KCNT1: variants seen among roughly 807,000 people sequenced by gnomAD.
KCNT1 encodes the protein potassium sodium-activated channel subfamily T member 1, also known as potassium channel subfamily T member 1.
Under a neutral mutation model 147.8 loss-of-function variants are expected in KCNT1, and 78 were observed. That is an observed-to-expected ratio of 0.53 (90% CI 0.44 to 0.64). The LOEUF (loss-of-function observed/expected upper bound fraction) is 0.64, where lower values mean the gene tolerates loss of function less well. Among genes scored for constraint, KCNT1 ranks in the 30% least tolerant of loss-of-function variants. The pLI is 0.00. For synonymous variants in KCNT1, 867 were observed against 748.8 expected (o/e 1.16, Z -2.58); for missense variants, 1,419 against 1,750.3 (o/e 0.81, Z 3.38).
At chr9:135,712,583 G>A (rs1318172097) in intron 1 of KCNT1, among the ~76,000 whole-genome samples, 1 of 152,096 alleles carries the variant, frequency 6.6e-6, no homozygotes, top group Non-Finnish European at 1.5e-5. Context: ...GCTGGCCGAT[G>A]TAGGCCTTCC....
chr9:135,734,944 C>T (rs921544019), intron 2 of KCNT1, among the ~76,000 whole-genome samples: 1 of 152,184 alleles, frequency 6.6e-6, no homozygotes, highest in Non-Finnish European at 1.5e-5. Flanking sequence ...CGGGGCTCCG[C>T]CTGGTCTGTT....
intron 6 of KCNT1, 68 bp from the exon 7 acceptor site, chr9:135,756,805 C>A: frequency 7.6e-7 from 1 of 1,318,896 alleles, no homozygotes; most frequent in Non-Finnish European, 1.1e-6. Flanking sequence ...GCCCGCGAGG[C>A]CTGTGGGGTC....
At chr9:135,760,172 G>A (rs1184666515) in intron 11 of KCNT1, among the ~76,000 whole-genome samples, 1 of 152,194 alleles carries the variant, frequency 6.6e-6, no homozygotes. Context: ...GAAGGGTCAA[G>A]GTGGACAGCC....
intron 21 of KCNT1, among the ~76,000 whole-genome samples, chr9:135,777,777 G>A (rs1053796546): frequency 9.2e-5 from 13 of 141,744 alleles, no homozygotes; most frequent in African/African-American, 3.2e-4. Flanking sequence ...CCTGCTCCCT[G>A]TTCCCCCAGT....
In KCNT1 at chr9:135,784,831, G is replaced by C. The variant is rs1445722117; in HGVS notation, c.3098G>C (p.Ser1033Thr). 6.2e-7 allele frequency: 1 copy of C among 1,612,724 alleles called. No individual in the cohort carries two copies. The highest frequency in any genetic ancestry group is 2.2e-5 in the East Asian group (1 of 44,890). Reference sequence around the variant, plus strand: ...CTCTTCCAGAAGCTCTGCTCCTCCAGCGCCGAGATCCCCATTGGCATCTAC... The same window carrying C: ...CTCTTCCAGAAGCTCTGCTCCTCCACCGCCGAGATCCCCATTGGCATCTAC... Reference protein sequence around the residue: ...GRLFQKLCSSSAEIPIGIYRT... With the variant: ...GRLFQKLCSSTAEIPIGIYRT... Residue 1033 changes from serine to threonine, a missense_variant, in exon 27 of 31, where the codon AGC becomes ACC. Transcript: ENST00000371757.
In KCNT1 at chr9:135,788,275, G is replaced by T. The variant is rs531819975; in HGVS notation, c.3502+1754G>T. The stretch of plus-strand genomic sequence containing the variant: ...AGGCAGGTGGACAGGAGCTGTGAGA[G>T]CACGTCCCAGGTGTCAGCCCAGGCG... On this transcript the variant is annotated intron_variant, in intron 29 of 30. Coordinates refer to ENST00000371757, the MANE Select transcript of KCNT1 (RefSeq NM_020822.3). The T allele has an allele frequency of 2.7e-5, 24 of 895,014 alleles. No individual in the cohort carries two copies. The Admixed American group carries it at 3.1e-4, about 12-fold the overall frequency. 55.4% of individuals were successfully genotyped at this position (895,014 alleles called of 1,614,324 possible).
intron 11 of KCNT1, among the ~76,000 whole-genome samples, chr9:135,762,428 G>A (rs1209156144): frequency 6.6e-6 from 1 of 152,024 alleles, no homozygotes; most frequent in Non-Finnish European, 1.5e-5. Context: ...CTATGCAACA[G>A]AGAGTGAGAC....
chr9:135,732,008 A>AGAGAGAGAGAGG (rs1836485581), intron 2 of KCNT1, among the ~76,000 whole-genome samples: 2 of 97,876 alleles, frequency 2.0e-5, no homozygotes, highest in Non-Finnish European at 4.3e-5. Context: ...AGAGAGAGAG[A>AGAGAGAGAGAGG]GAGAGAGAGA....
At chr9:135,734,267 G>A (rs1046695432) in intron 2 of KCNT1, among the ~76,000 whole-genome samples, 4 of 152,162 alleles carry the variant, frequency 2.6e-5, no homozygotes, top group Non-Finnish European at 5.9e-5. Context: ...TGGCTCTGTG[G>A]ACCCCGAGCC....
At position 135,779,411 on chromosome 9, in the gene KCNT1, C is replaced by T. The variant is rs397515405; in HGVS notation, c.2782C>T (p.Arg928Cys). ...TTELTHPSNM[R>C]FMQFRAKDSY... ...GGAGCTCACCCACCCTTCCAACATG[C>T]GCTTCATGCAGTTCCGCGCCAAGGA... Residue 928 changes from arginine to cysteine, a missense_variant, in exon 24 of 31, where the codon CGC (arginine) becomes TGC (cysteine). Arg to Cys is a radical substitution (Grantham distance 180). This residue lies in a region of KCNT1 where 247 missense variants were observed against 397.1 expected (regional missense o/e 0.62). Transcript: ENST00000371757. 2 of 1,613,948 alleles carry T rather than the reference C, an allele frequency of 1.2e-6. No homozygotes were observed. The highest frequency in any genetic ancestry group is 8.5e-7 in the Non-Finnish European group (1 of 1,179,984).
At chr9:135,787,683 G>A (rs556190518) in intron 29 of KCNT1, among the ~76,000 whole-genome samples, 3 of 152,224 alleles carry the variant, frequency 2.0e-5, no homozygotes, top group South Asian at 2.1e-4. Context: ...GACCTTTCCC[G>A]GCCCCCAGCC....
At chr9:135,784,257 C>A in intron 25 of KCNT1, 132 bp downstream of exon 25, 1 of 753,378 alleles carries the variant, frequency 1.3e-6, no homozygotes, top group Non-Finnish European at 2.2e-6. Context: ...TCCAAGGAGA[C>A]CTCTGGGCCC....
intron 2 of KCNT1, among the ~76,000 whole-genome samples, chr9:135,729,344 AC>A (rs1363459259): frequency 6.6e-6 from 1 of 152,080 alleles, no homozygotes; most frequent in African/African-American, 2.4e-5. Flanking sequence ...GCTGAGAGCA[AC>A]CCCCTGCCAG....
intron 5 of KCNT1, 98 bp downstream of exon 5, chr9:135,754,091 G>A (rs1378084124): frequency 1.4e-5 from 16 of 1,124,740 alleles, no homozygotes; most frequent in Middle Eastern, 2.2e-4. Context: ...ATAGCCAGGC[G>A]CTCAGAGGCC....
chr9:135,711,913 C>T (rs2131323774), intron 1 of KCNT1, among the ~76,000 whole-genome samples: 2 of 152,374 alleles, frequency 1.3e-5, no homozygotes, highest in South Asian at 4.1e-4. Flanking sequence ...GGCATGCTGT[C>T]TGGTTACATC....
At chr9:135,717,847 CCTT>C (rs1239810713) in intron 2 of KCNT1, among the ~76,000 whole-genome samples, 1 of 152,222 alleles carries the variant, frequency 6.6e-6, no homozygotes, top group African/African-American at 2.4e-5. Context: ...CTTCCTCAAA[CCTT>C]CTTTGCCCAA....
At chr9:135,745,823 C>A (rs1161166396) in intron 2 of KCNT1, among the ~76,000 whole-genome samples, 1 of 152,216 alleles carries the variant, frequency 6.6e-6, no homozygotes, top group African/African-American at 2.4e-5. Context: ...CAGCCCTGGG[C>A]CTCTGGCTGC....
intron 2 of KCNT1, among the ~76,000 whole-genome samples, chr9:135,749,391 G>C (rs1831022931): frequency 2.0e-5 from 3 of 152,226 alleles, no homozygotes; most frequent in Non-Finnish European, 4.4e-5. Context: ...GGAGGCCAGA[G>C]GGCTGGGTGG....
chr9:135,779,395 C>G lies in KCNT1; in HGVS notation c.2766C>G (p.Thr922=). ...GCCTCAGCATCACCACGGAGCTCAC[C>G]CACCCTTCCAACATGCGCTTCATGC... ...FPSLSITTEL[T]HPSNMRFMQF... is the part of the protein sequence containing the mutation. The change falls in exon 24 of 31, where the codon ACC becomes ACG. Residue 922 remains threonine, a synonymous_variant. Coordinates refer to ENST00000371757, the MANE Select transcript of KCNT1 (RefSeq NM_020822.3). 1 of 1,613,952 alleles carries G rather than the reference C, an allele frequency of 6.2e-7. No homozygotes were observed. Among genetic ancestry groups the G allele is most frequent in the Non-Finnish European group, 8.5e-7 (1 of 1,179,976 alleles).
Sources: allele counts gnomAD v4.1 joint callset (sites outside exome capture counted in the v4.1 genomes callset), GRCh38; gene constraint gnomAD v4.1.1; regional missense constraint gnomAD v4.1.1; transcripts MANE v1.5; gene names NCBI Gene and HGNC (gene_info 2026-07-23, HGNC 2026-07-21).